SLC25A26: variants seen among roughly 807,000 people sequenced by gnomAD.
SLC25A26 encodes solute carrier family 25 member 26, also known as mitochondrial S-adenosylmethionine carrier protein.
In SLC25A26, 36 loss-of-function variants were observed where a neutral mutation model predicts 37.8. The ratio of observed to expected loss-of-function variants is 0.95; its 90% CI spans 0.73 to 1.26. SLC25A26 has a LOEUF of 1.26. Among genes scored for constraint, SLC25A26 ranks in the 50% most tolerant of loss-of-function variants. The pLI is 0.00. For missense variants in SLC25A26, 390 were observed against 331.1 expected (o/e 1.18, Z -1.38); for synonymous variants, 129 against 122.5 (o/e 1.05, Z -0.35).
intron 5 of SLC25A26, among the ~76,000 whole-genome samples, chr3:66,272,773 A>T (rs2074001166): frequency 6.6e-6 from 1 of 152,150 alleles, no homozygotes; most frequent in Admixed American, 6.5e-5. Flanking sequence ...TCCTATTTGA[A>T]TACCCTTTAT....
chr3:66,253,098 C>A (rs566366976), intron 3 of SLC25A26, among the ~76,000 whole-genome samples: 13 of 140,498 alleles, frequency 9.3e-5, no homozygotes, highest in African/African-American at 3.2e-4. Context: ...AGAGATTTGG[C>A]AGATAATATT....
At chr3:66,271,747 C>A (rs759661553) in intron 5 of SLC25A26, among the ~76,000 whole-genome samples, 1 of 152,086 alleles carries the variant, frequency 6.6e-6, no homozygotes, top group South Asian at 2.1e-4. Context: ...GAAAGAAGAC[C>A]ATTTCATACA....
intron 5 of SLC25A26, among the ~76,000 whole-genome samples, 195 bp from the exon 6 acceptor site, chr3:66,346,169 C>A (rs369254857): frequency 6.4e-4 from 98 of 152,200 alleles, no homozygotes; most frequent in African/African-American, 2.1e-3. Flanking sequence ...AGCGAGACTT[C>A]CTCCCAACAA....
chr3:66,288,482 C>A (rs776346111), intron 5 of SLC25A26, among the ~76,000 whole-genome samples: 4 of 152,078 alleles, frequency 2.6e-5, no homozygotes, highest in Non-Finnish European at 5.9e-5. Flanking sequence ...TAGCCATCCC[C>A]TACCCCTCGA....
At chr3:66,211,235 A>G (rs2071280630) in intron 1 of SLC25A26, among the ~76,000 whole-genome samples, 3 of 152,348 alleles carry the variant, frequency 2.0e-5, no homozygotes, top group Non-Finnish European at 4.4e-5. Context: ...GACTGTGTTC[A>G]TTTAGGACAC....
At position 66,258,011 on chromosome 3, in the gene SLC25A26, C is replaced by G. The variant is rs188956589; in HGVS notation, c.301-4040C>G. On this transcript the variant is annotated intron_variant, in intron 3 of 9. Transcript: ENST00000354883. ...TGGTTGCTTGCCATCAACATTGATC[C>G]TGGCTAACTTATGGAATGAAGAATA... is the stretch of plus-strand genomic sequence containing the variant. Among the ~76,000 whole-genome samples, 10 of 152,322 alleles carry G rather than the reference C, an allele frequency of 6.6e-5. No homozygotes were observed. In the East Asian group the frequency reaches 1.9e-3, roughly 29 times the overall value.
chr3:66,187,829 G>T (rs1284203990), intron 1 of SLC25A26, among the ~76,000 whole-genome samples: 6 of 151,664 alleles, frequency 4.0e-5, no homozygotes, highest in African/African-American at 1.5e-4. Flanking sequence ...CCCTCACTTT[G>T]ACCCTCAATC....
intron 1 of SLC25A26, among the ~76,000 whole-genome samples, chr3:66,176,240 C>T (rs749112047): frequency 7.9e-5 from 12 of 152,180 alleles, no homozygotes; most frequent in Non-Finnish European, 1.2e-4. Context: ...GAAAAGCCAT[C>T]TATGCATATC....
intron 6 of SLC25A26, among the ~76,000 whole-genome samples, chr3:66,359,381 T>A (rs1389793036): frequency 6.6e-6 from 1 of 152,256 alleles, no homozygotes; most frequent in East Asian, 1.9e-4. Context: ...AAGTAGTTGT[T>A]GAATTTATGA....
intron 1 of SLC25A26, among the ~76,000 whole-genome samples, chr3:66,158,881 T>C (rs2070319380): frequency 6.6e-6 from 1 of 152,068 alleles, no homozygotes; most frequent in South Asian, 2.1e-4. Flanking sequence ...GCTAAGAGTC[T>C]GCACACAAGC....
At chr3:66,135,192 TG>T (rs1441698175) in intron 1 of SLC25A26, among the ~76,000 whole-genome samples, 1 of 152,202 alleles carries the variant, frequency 6.6e-6, no homozygotes, top group Non-Finnish European at 1.5e-5. Flanking sequence ...TACTGAAAAT[TG>T]TTTTTAATTT....
At chr3:66,143,034 T>C (rs2070059499) in intron 1 of SLC25A26, among the ~76,000 whole-genome samples, 5 of 152,134 alleles carry the variant, frequency 3.3e-5, no homozygotes, top group Non-Finnish European at 7.4e-5. Flanking sequence ...CCCAAAGTGC[T>C]GAGATTAAGA....
intron 5 of SLC25A26, among the ~76,000 whole-genome samples, chr3:66,295,066 T>C (rs1199025638): frequency 6.6e-6 from 1 of 152,212 alleles, no homozygotes; most frequent in African/African-American, 2.4e-5. Context: ...AAAAAGTTGA[T>C]TTATCTCATG....
At chr3:66,138,307 A>G (rs2069978674) in intron 1 of SLC25A26, among the ~76,000 whole-genome samples, 1 of 152,172 alleles carries the variant, frequency 6.6e-6, no homozygotes, top group African/African-American at 2.4e-5. Context: ...GAAGGAAGAA[A>G]AAAATCATCC....
intron 5 of SLC25A26, among the ~76,000 whole-genome samples, chr3:66,284,991 G>A (rs932771593): frequency 1.3e-5 from 2 of 152,106 alleles, no homozygotes; most frequent in Non-Finnish European, 2.9e-5. Flanking sequence ...GTAGTAAAAT[G>A]ATAAGAAAAT....
At position 66,169,841 on chromosome 3, in the gene SLC25A26, C is replaced by A. The variant is rs544295854; in HGVS notation, c.-354+35857C>A. ...AAAAAACTATTTTAGAGTCACTAAT[C>A]AAGAAGAGGGGATATTCACTTGGAA... On this transcript the variant is annotated intron_variant, in intron 1 of 10. Coordinates refer to the SLC25A26 transcript ENST00000676754. Among the ~76,000 whole-genome samples the A allele has an allele frequency of 2.2e-4, 33 of 152,296 alleles. 2 individuals carry two copies. The South Asian group carries it at 6.6e-3, about 31-fold the overall frequency.
chr3:66,251,903 G>C (rs185788356), intron 3 of SLC25A26, among the ~76,000 whole-genome samples: 1 of 151,932 alleles, frequency 6.6e-6, no homozygotes, highest in Non-Finnish European at 1.5e-5. Flanking sequence ...TTTTTATTTA[G>C]TTAGTGGACA....
rs2072290940 is a variant in SLC25A26, at chr3:66,236,471, C to T, written c.34-73C>T. ...TTTAAAGACTGTCTTCCTATCTTCG[C>T]CCCCAAGTGGCCGAGAGCTTATTTT... On this transcript the variant is annotated intron_variant, in intron 1 of 9. Transcript: ENST00000354883. 7 of 1,229,320 alleles carry T rather than the reference C, an allele frequency of 5.7e-6. No homozygotes were observed. In the East Asian group the frequency reaches 1.8e-4, roughly 32 times the overall value. The allele number at this position is 1,229,320 out of a possible 1,614,324, so 76.2% of individuals were successfully genotyped here.
chr3:66,288,768 A>C (rs1406383941), intron 5 of SLC25A26, among the ~76,000 whole-genome samples: 1 of 152,166 alleles, frequency 6.6e-6, no homozygotes, highest in Non-Finnish European at 1.5e-5. Flanking sequence ...GCTGTTGTGA[A>C]TAGTGCCGCA....
Sources: gnomAD v4.1 joint callset for allele counts (sites outside exome capture counted in the v4.1 genomes callset) on GRCh38, gnomAD v4.1.1 for gene constraint, MANE v1.5 for transcripts, NCBI Gene and HGNC (gene_info 2026-07-23, HGNC 2026-07-21) for gene names.